ATRX: variants seen among roughly 807,000 people sequenced by gnomAD.
The protein encoded by ATRX is chromatin remodeler ATRX.
Under a neutral mutation model 172.6 loss-of-function variants are expected in ATRX, and 12 were observed. The observed-to-expected ratio is 0.07, with a 90% confidence interval of 0.04 to 0.11. ATRX has a LOEUF of 0.11. Among genes scored for constraint, ATRX ranks in the 10% least tolerant of loss-of-function variants. The probability of loss-of-function intolerance (pLI) is 1.00; values close to 1 mark genes in which losing one functional copy is unlikely to be tolerated. For synonymous variants in ATRX, 674 were observed against 594.7 expected (o/e 1.13, Z -1.94); for missense variants, 1,368 against 1,767.4 (o/e 0.77, Z 4.05).
intron 1 of ATRX, among the ~76,000 whole-genome samples, chrX:77,729,163 T>C (rs2074190350): frequency 1.0e-5 from 1 of 100,447 alleles, no homozygotes; most frequent in Non-Finnish European, 2.0e-5. Flanking sequence ...TTAAAGTGTA[T>C]AATAAAGACT....
chrX:77,676,951 G>A (rs967748970), intron 9 of ATRX, among the ~76,000 whole-genome samples: 3 of 111,080 alleles, frequency 2.7e-5, no homozygotes, highest in Admixed American at 9.6e-5. Flanking sequence ...GCAAAATCCC[G>A]TCTCTACTAA....
At chrX:77,593,243 A>G (rs782150909) in intron 26 of ATRX, among the ~76,000 whole-genome samples, 27 of 109,159 alleles carry the variant, frequency 2.5e-4, no homozygotes, top group Middle Eastern at 4.7e-3. Context: ...AAAAAAAAAA[A>G]AAGAAGAAGA....
At chrX:77,674,401 G>A (rs938584863) in intron 10 of ATRX, 4 of 111,107 alleles carry the variant, frequency 3.6e-5, no homozygotes, top group Non-Finnish European at 5.7e-5. Flanking sequence ...ACTGAGTATA[G>A]AAAGACATGC....
chrX:77,766,715 G>T (rs1401011794), intron 1 of ATRX, among the ~76,000 whole-genome samples: 3 of 105,383 alleles, frequency 2.8e-5, no homozygotes, highest in Admixed American at 1.0e-4. Context: ...CGGCCGGGCA[G>T]AGACGCTCCT....
chrX:77,730,916 T>C (rs1188591375), intron 1 of ATRX, among the ~76,000 whole-genome samples: 1 of 109,491 alleles, frequency 9.1e-6, no homozygotes. Context: ...ACAACACATC[T>C]TAAAGAATAA....
Position 77,663,566 on chromosome X carries a change from A to T in ATRX, c.3944-8T>A, listed in dbSNP as rs1557124235. On this transcript the variant is annotated splice_region_variant and splice_polypyrimidine_tract_variant and intron_variant, in intron 11 of 34. Transcript: ENST00000373344. ...TGACTTGATTTTTTGCTTCTAAATG[A>T]AGGAAATAAATCAATAAAACCTTCT... The T allele has an allele frequency of 1.7e-6, 2 of 1,196,318 alleles. No individual in the cohort carries two copies. Among genetic ancestry groups the T allele is most frequent in the South Asian group, 3.6e-5 (2 of 56,044 alleles).
At chrX:77,515,983 C>T (rs183073555) in intron 34 of ATRX, among the ~76,000 whole-genome samples, 35 of 111,610 alleles carry the variant, frequency 3.1e-4, no homozygotes, top group Admixed American at 6.7e-4. Context: ...AACAGGAAAC[C>T]AAATACCATA....
At chrX:77,742,346 T>C (rs2074908478) in intron 1 of ATRX, among the ~76,000 whole-genome samples, 2 of 111,759 alleles carry the variant, frequency 1.8e-5, no homozygotes, top group South Asian at 7.5e-4. Flanking sequence ...TTTTCTCTGC[T>C]ACAAAATGTT....
At chrX:77,751,472 C>T (rs931857344) in intron 1 of ATRX, among the ~76,000 whole-genome samples, 2 of 111,949 alleles carry the variant, frequency 1.8e-5, no homozygotes, top group African/African-American at 6.5e-5. Flanking sequence ...CTGTAGGCTG[C>T]CTGTTCACTC....
chrX:77,664,436 A>T (rs1461531736), intron 11 of ATRX, among the ~76,000 whole-genome samples: 1 of 110,641 alleles, frequency 9.0e-6, no homozygotes, highest in Non-Finnish European at 1.9e-5. Context: ...CTTTTAGTAG[A>T]GACAGGGTTT....
At position 77,774,026 on chromosome X, in the gene ATRX, CA is replaced by C. The variant is rs1439142799; in HGVS notation, c.20+11955del. On this transcript the variant is annotated intron_variant, in intron 1 of 34. Transcript: ENST00000373344. ...CCACCTGAGGTCAGGAGTTCAAGAC[CA>C]GCCTGACCAATATGGTGCAACCCCA... Among the ~76,000 whole-genome samples the C allele has an allele frequency of 1.6e-4, 17 of 109,443 alleles. No individual in the cohort carries two copies. In the Admixed American group the frequency reaches 1.7e-3, roughly 11 times the overall value.
intron 30 of ATRX, among the ~76,000 whole-genome samples, chrX:77,533,102 G>A (rs2063634446): frequency 8.9e-6 from 1 of 112,193 alleles, no homozygotes; most frequent in African/African-American, 3.2e-5. Flanking sequence ...ACCATCTGAT[G>A]CCAATCAGAA....
intron 33 of ATRX, 100 bp downstream of exon 33, chrX:77,521,303 C>A (rs2147740415): frequency 3.0e-6 from 2 of 662,361 alleles, no homozygotes; most frequent in East Asian, 3.4e-5. Context: ...TATTGCAAAT[C>A]AATTTATAAG....
At chrX:77,781,181 C>A (rs781844646) in intron 1 of ATRX, among the ~76,000 whole-genome samples, 1 of 110,150 alleles carries the variant, frequency 9.1e-6, no homozygotes, top group East Asian at 2.8e-4. Flanking sequence ...GTGGCTCACA[C>A]CTGTAATCCT....
intron 22 of ATRX, among the ~76,000 whole-genome samples, chrX:77,602,071 A>C (rs973470504): frequency 2.7e-5 from 3 of 111,880 alleles, no homozygotes; most frequent in African/African-American, 9.7e-5. Flanking sequence ...TGATGCAATC[A>C]TAGCTTACTG....
intron 34 of ATRX, among the ~76,000 whole-genome samples, chrX:77,514,575 C>T (rs1489064024): frequency 8.9e-6 from 1 of 112,174 alleles, no homozygotes; most frequent in African/African-American, 3.2e-5. Flanking sequence ...TGAAACTGGA[C>T]CCCCTCCTTA....
At chrX:77,676,871 C>T (rs1179523138) in intron 9 of ATRX, among the ~76,000 whole-genome samples, 3 of 112,093 alleles carry the variant, frequency 2.7e-5, no homozygotes, top group Non-Finnish European at 1.9e-5. Context: ...CCTGTAATCC[C>T]AGCACTTTGG....
chrX:77,591,221 C>T (rs1557080297), intron 26 of ATRX, among the ~76,000 whole-genome samples: 1 of 111,740 alleles, frequency 8.9e-6, no homozygotes, highest in Non-Finnish European at 1.9e-5. Flanking sequence ...TCCTTTCGGT[C>T]ACCAATTTGC....
chrX:77,746,766 A>C (rs1178098564), intron 1 of ATRX, among the ~76,000 whole-genome samples: 1 of 112,080 alleles, frequency 8.9e-6, no homozygotes, highest in Non-Finnish European at 1.9e-5. Flanking sequence ...AAATAGATTT[A>C]AGAGACACAA....
Sources: allele counts gnomAD v4.1 joint callset (sites outside exome capture counted in the v4.1 genomes callset), GRCh38; gene constraint gnomAD v4.1.1; transcripts MANE v1.5; gene names NCBI Gene and HGNC (gene_info 2026-07-23, HGNC 2026-07-21).